Variants in ST7 observed in about 807,000 individuals in gnomAD.
ST7 encodes suppressor of tumorigenicity 7 protein.
A neutral mutation model predicts 78.7 loss-of-function variants in ST7; 28 were observed. The ratio of observed to expected loss-of-function variants is 0.36; its 90% CI spans 0.26 to 0.49. The LOEUF is 0.49. ST7 is among the 20% of genes least tolerant of loss of function. The probability of loss-of-function intolerance (pLI) is 0.99; values close to 1 mark genes in which losing one functional copy is unlikely to be tolerated. For synonymous variants in ST7, 247 were observed against 249.6 expected (o/e 0.99, Z 0.10); for missense variants, 418 against 696.0 (o/e 0.60, Z 4.49).
intron 1 of ST7, among the ~76,000 whole-genome samples, chr7:116,986,680 A>G (rs1269962830): frequency 6.6e-6 from 1 of 152,188 alleles, no homozygotes; most frequent in Non-Finnish European, 1.5e-5. Flanking sequence ...TTTGGCGGAA[A>G]GACTAGTTTT....
At chr7:116,959,282 T>C in intron 1 of ST7, 1 of 470,626 alleles carries the variant, frequency 2.1e-6, no homozygotes, top group South Asian at 1.6e-5. Context: ...ATCTTAAAGC[T>C]TCAGTTCTAA....
At chr7:117,147,810 C>G (rs904448688) in intron 9 of ST7, among the ~76,000 whole-genome samples, 1 of 151,778 alleles carries the variant, frequency 6.6e-6, no homozygotes, top group Non-Finnish European at 1.5e-5. Context: ...TTTTAAATTT[C>G]TTTTAAATTT....
At position 117,219,751 on chromosome 7, in the gene ST7, C is replaced by T. The variant is rs759709356; in HGVS notation, c.1498+575C>T. 7.2e-5 allele frequency among the ~76,000 whole-genome samples: 11 copies of T among 152,352 alleles called. No individual in the cohort carries two copies. Among genetic ancestry groups the T allele is most frequent in the Admixed American group, 5.9e-4 (9 of 15,302 alleles). On this transcript the variant is annotated intron_variant, in intron 14 of 15. Coordinates refer to ENST00000323984, the MANE Select transcript of ST7 (RefSeq NM_001369598.1). This position sits in a 1 kb window ranked among gnomAD's most constrained non-coding sequence, Gnocchi z 5.1. ...CTCGGAGTACCATGTGCAGAGCACA[C>T]GTGTAGCCTCAGCACTGTATGAAAG... is the stretch of plus-strand genomic sequence containing the variant.
intron 1 of ST7, among the ~76,000 whole-genome samples, chr7:116,974,826 A>G (rs1793615779): frequency 6.6e-6 from 1 of 152,176 alleles, no homozygotes; most frequent in South Asian, 2.1e-4. Flanking sequence ...TAGGGCCAGG[A>G]CTAAGGTGAG....
chr7:116,968,244 C>A (rs1793225012), intron 1 of ST7, among the ~76,000 whole-genome samples: 1 of 134,350 alleles, frequency 7.4e-6, no homozygotes, highest in Non-Finnish European at 1.6e-5. Flanking sequence ...TATCCCCTCC[C>A]CTACTTCCCT....
chr7:116,955,250 G>A (rs192042589), intron 1 of ST7: 9 of 381,256 alleles, frequency 2.4e-5, no homozygotes, highest in Non-Finnish European at 3.7e-5. Context: ...GTTGGTAACA[G>A]TGTTAGTCTG....
At chr7:117,125,701 T>C (rs973161775) in intron 3 of ST7, among the ~76,000 whole-genome samples, 1 of 152,114 alleles carries the variant, frequency 6.6e-6, no homozygotes, top group Non-Finnish European at 1.5e-5. Flanking sequence ...GTTAATTTTA[T>C]AATACAAGCC....
intron 13 of ST7, among the ~76,000 whole-genome samples, chr7:117,218,260 G>C (rs952351957): frequency 1.3e-5 from 2 of 152,192 alleles, no homozygotes; most frequent in African/African-American, 4.8e-5. Context: ...ACAGCAGGCT[G>C]TAGTAAGAGG....
At chr7:117,066,366 C>G (rs926890591) in intron 1 of ST7, among the ~76,000 whole-genome samples, 3 of 152,122 alleles carry the variant, frequency 2.0e-5, no homozygotes, top group Non-Finnish European at 4.4e-5. Flanking sequence ...AGTTGGCCCT[C>G]AACAAATAGA....
At chr7:117,008,942 T>C (rs1322962595) in intron 1 of ST7, among the ~76,000 whole-genome samples, 1 of 152,152 alleles carries the variant, frequency 6.6e-6, no homozygotes, top group Non-Finnish European at 1.5e-5. Flanking sequence ...TATGTGAACA[T>C]TACAAGAAAT....
Position 117,029,146 on chromosome 7 carries a change from G to A in ST7, c.152-70616G>A, listed in dbSNP as rs539995808. On this transcript the variant is annotated intron_variant, in intron 1 of 15. Coordinates refer to ENST00000323984, the MANE Select transcript of ST7 (RefSeq NM_001369598.1). The stretch of plus-strand genomic sequence containing the variant: ...TTCATTTCTCTTAGGTAAATACCTA[G>A]GCATGCCATTGTTGAGAAACTGCCA... Among the ~76,000 whole-genome samples the A allele has an allele frequency of 1.7e-4, 26 of 152,078 alleles. No individual in the cohort carries two copies. The South Asian group carries it at 4.2e-3, about 24-fold the overall frequency.
intron 1 of ST7, chr7:117,098,805 C>T: frequency 7.7e-7 from 1 of 1,302,008 alleles, no homozygotes; most frequent in South Asian, 1.2e-5. Context: ...AATACTCCCA[C>T]AAAAAGCCCA....
intron 12 of ST7, among the ~76,000 whole-genome samples, chr7:117,203,344 A>C (rs1258797768): frequency 6.6e-6 from 1 of 152,262 alleles, no homozygotes; most frequent in Non-Finnish European, 1.5e-5. Flanking sequence ...TATTAGCTCT[A>C]TCACAGAGTT....
At chr7:117,215,876 G>C (rs888299600) in intron 13 of ST7, among the ~76,000 whole-genome samples, 1 of 152,122 alleles carries the variant, frequency 6.6e-6, no homozygotes. Flanking sequence ...CTGATTATAA[G>C]AAGTAGAGCT....
intron 12 of ST7, among the ~76,000 whole-genome samples, chr7:117,193,135 T>C (rs545495274): frequency 1.5e-5 from 2 of 136,080 alleles, no homozygotes; most frequent in South Asian, 4.4e-4. Context: ...GCTCTAAATA[T>C]CTAACTTTAG....
chr7:117,184,024 C>T (rs1563149109), intron 10 of ST7: 1 of 152,152 alleles, frequency 6.6e-6, no homozygotes, highest in East Asian at 1.9e-4. Context: ...AGTCTGATTC[C>T]ATTTGTGTGA....
At chr7:117,009,335 T>C (rs1795290168) in intron 1 of ST7, among the ~76,000 whole-genome samples, 1 of 151,848 alleles carries the variant, frequency 6.6e-6, no homozygotes, top group African/African-American at 2.4e-5. Flanking sequence ...CTTTCTTTGC[T>C]TATTTTCCAG....
chr7:116,972,897 G>T, intron 1 of ST7: 1 of 1,336,448 alleles, frequency 7.5e-7, no homozygotes, highest in East Asian at 2.3e-5. Context: ...CCTCGATGGT[G>T]GTGATCCCAG....
intron 1 of ST7, among the ~76,000 whole-genome samples, chr7:116,984,497 T>A (rs533197977): frequency 6.6e-6 from 1 of 152,328 alleles, no homozygotes; most frequent in African/African-American, 2.4e-5. Flanking sequence ...TGAGTTTCTG[T>A]GCACTTCTTC....
Sources: gnomAD v4.1 joint callset for allele counts (sites outside exome capture counted in the v4.1 genomes callset) on GRCh38, gnomAD v4.1.1 for gene constraint, Gnocchi (gnomAD v3.1) non-coding constraint, MANE v1.5 for transcripts, NCBI Gene and HGNC (gene_info 2026-07-23, HGNC 2026-07-21) for gene names.